Variants in GPR39 observed in about 807,000 individuals in gnomAD.
GPR39 encodes the protein zinc sensing receptor.
In GPR39, 23 loss-of-function variants were observed where a neutral mutation model predicts 18.4. The observed-to-expected ratio is 1.25, with a 90% confidence interval of 0.90 to 1.77. GPR39 has a LOEUF of 1.77. GPR39 is among the 40% of genes most tolerant of loss of function. GPR39 has a pLI of 0.00. For synonymous variants in GPR39, 280 were observed against 257.9 expected (o/e 1.09, Z -0.82); for missense variants, 647 against 602.4 (o/e 1.07, Z -0.78).
chr2:132,628,859 A>G (rs912944840), intron 1 of GPR39, among the ~76,000 whole-genome samples: 2 of 151,966 alleles, frequency 1.3e-5, no homozygotes, highest in Non-Finnish European at 2.9e-5. Flanking sequence ...AGTTTTTTCC[A>G]TATTTTTCAA....
intron 1 of GPR39, among the ~76,000 whole-genome samples, chr2:132,526,054 G>T (rs1170264507): frequency 1.3e-5 from 2 of 152,136 alleles, no homozygotes; most frequent in Admixed American, 1.3e-4. Context: ...TTCTGAAAAT[G>T]GGATATTTAC....
At chr2:132,527,581 T>C (rs1679536394) in intron 1 of GPR39, among the ~76,000 whole-genome samples, 3 of 152,232 alleles carry the variant, frequency 2.0e-5, no homozygotes, top group South Asian at 4.1e-4. Context: ...TTCCAATTTC[T>C]CCACAGCATT....
intron 1 of GPR39, among the ~76,000 whole-genome samples, chr2:132,585,952 T>TTTTTG (rs1553458355): frequency 7.4e-6 from 1 of 135,822 alleles, no homozygotes; most frequent in Non-Finnish European, 1.6e-5. Flanking sequence ...TCCCCGGTTT[T>TTTTTG]TTTTTTTTTT....
chr2:132,494,460 C>A (rs1681599605), intron 1 of GPR39, among the ~76,000 whole-genome samples: 1 of 152,164 alleles, frequency 6.6e-6, no homozygotes, highest in Non-Finnish European at 1.5e-5. Flanking sequence ...CAATTCCTGT[C>A]ACTCGCTGTG....
At chr2:132,507,504 G>T (rs1397703577) in intron 1 of GPR39, among the ~76,000 whole-genome samples, 1 of 152,140 alleles carries the variant, frequency 6.6e-6, no homozygotes, top group Non-Finnish European at 1.5e-5. Flanking sequence ...AAAAGGATAA[G>T]AATTTGCCCC....
chr2:132,645,096 C>T lies in GPR39; in HGVS notation c.857-5C>T, dbSNP rs537012526. On this transcript the variant is annotated splice_region_variant and splice_polypyrimidine_tract_variant and intron_variant, in intron 1 of 1. Transcript: ENST00000329321. Reference sequence around the variant, plus strand: ...TGTCTCTCCCTCCTGCTCGTGTCTGCCCAGGGCTGATTGTTGTGACATTGG... The same window carrying T: ...TGTCTCTCCCTCCTGCTCGTGTCTGTCCAGGGCTGATTGTTGTGACATTGG... 6.2e-7 allele frequency: 1 copy of T among 1,609,434 alleles called. No homozygotes were observed. Among genetic ancestry groups the T allele is most frequent in the Non-Finnish European group, 8.5e-7 (1 of 1,177,466 alleles).
At chr2:132,453,372 G>C (rs978884909) in intron 1 of GPR39, among the ~76,000 whole-genome samples, 2 of 152,096 alleles carry the variant, frequency 1.3e-5, no homozygotes, top group Non-Finnish European at 1.5e-5. Flanking sequence ...TGTAGTGTTT[G>C]GATATTAGCC....
intron 1 of GPR39, among the ~76,000 whole-genome samples, chr2:132,476,706 C>A (rs899353582): frequency 6.8e-6 from 1 of 147,342 alleles, no homozygotes; most frequent in African/African-American, 2.5e-5. Flanking sequence ...GATAACATGG[C>A]GGGAAAAGGA....
At chr2:132,572,244 C>T (rs566795382) in intron 1 of GPR39, among the ~76,000 whole-genome samples, 82 of 152,272 alleles carry the variant, frequency 5.4e-4, no homozygotes, top group African/African-American at 1.9e-3. Context: ...CCCCTTCTTC[C>T]GTCTGGTGTT....
chr2:132,615,861 T>A (rs755785334), intron 1 of GPR39, among the ~76,000 whole-genome samples: 4 of 152,096 alleles, frequency 2.6e-5, no homozygotes, highest in Non-Finnish European at 5.9e-5. Context: ...ATCCTGCACT[T>A]GCCTGACACA....
chr2:132,581,183 C>T (rs942854777), intron 1 of GPR39, among the ~76,000 whole-genome samples: 3 of 151,982 alleles, frequency 2.0e-5, no homozygotes, highest in Non-Finnish European at 4.4e-5. Context: ...TTTCTTTCTG[C>T]GGGCTTTATT....
chr2:132,601,356 A>G (rs1251846830), intron 1 of GPR39, among the ~76,000 whole-genome samples: 1 of 152,236 alleles, frequency 6.6e-6, no homozygotes, highest in African/African-American at 2.4e-5. Context: ...AATGAAGGAT[A>G]AAAACCACAT....
chr2:132,562,661 C>T (rs1389196057), intron 1 of GPR39, among the ~76,000 whole-genome samples: 1 of 152,128 alleles, frequency 6.6e-6, no homozygotes, highest in East Asian at 1.9e-4. Context: ...AGTGCTGTCA[C>T]CACCAAGAGG....
intron 1 of GPR39, among the ~76,000 whole-genome samples, chr2:132,562,161 T>A (rs986715414): frequency 6.6e-6 from 1 of 152,172 alleles, no homozygotes; most frequent in Non-Finnish European, 1.5e-5. Flanking sequence ...ATCCATTTTT[T>A]TTTTTAAGGC....
intron 1 of GPR39, among the ~76,000 whole-genome samples, chr2:132,549,742 T>A (rs1024729492): frequency 6.6e-6 from 1 of 152,022 alleles, no homozygotes; most frequent in East Asian, 1.9e-4. Flanking sequence ...GAGCCGAGAT[T>A]GTGCCACTGC....
intron 1 of GPR39, among the ~76,000 whole-genome samples, chr2:132,532,587 A>G (rs1386750053): frequency 1.3e-5 from 2 of 152,250 alleles, no homozygotes; most frequent in African/African-American, 4.8e-5. Flanking sequence ...ATTGATGCAA[A>G]CATCCTCAAT....
intron 1 of GPR39, among the ~76,000 whole-genome samples, chr2:132,622,778 A>C (rs184735283): frequency 1.3e-3 from 204 of 152,316 alleles, no homozygotes; most frequent in Non-Finnish European, 2.6e-3. Context: ...ATGCCATACC[A>C]GAAGAAGGTT....
intron 1 of GPR39, among the ~76,000 whole-genome samples, chr2:132,453,275 T>C (rs954653593): frequency 6.6e-6 from 1 of 152,242 alleles, no homozygotes; most frequent in Non-Finnish European, 1.5e-5. Context: ...GGCATAGATG[T>C]CTTCTTTTGA....
At chr2:132,502,373 T>G (rs1679058192) in intron 1 of GPR39, among the ~76,000 whole-genome samples, 1 of 152,146 alleles carries the variant, frequency 6.6e-6, no homozygotes, top group African/African-American at 2.4e-5. Flanking sequence ...AGCTGATAAT[T>G]GTTTTGTTTT....
Sources: gnomAD v4.1 joint callset for allele counts (sites outside exome capture counted in the v4.1 genomes callset) on GRCh38, gnomAD v4.1.1 for gene constraint, MANE v1.5 for transcripts, NCBI Gene and HGNC (gene_info 2026-07-23, HGNC 2026-07-21) for gene names.